CXCL13: variants seen among roughly 807,000 people sequenced by gnomAD.
CXCL13 encodes C-X-C motif chemokine 13.
CXCL13 carries 7 observed loss-of-function variants against 12.2 expected under a neutral mutation model. The ratio of observed to expected loss-of-function variants is 0.57; its 90% CI spans 0.33 to 1.07. CXCL13 has a LOEUF of 1.07. CXCL13 is among the 50% of genes least tolerant of loss of function. The pLI is 0.04. For synonymous variants in CXCL13, 47 were observed against 42.4 expected (o/e 1.11, Z -0.42); for missense variants, 113 against 127.4 (o/e 0.89, Z 0.55).
chr4:77,602,790 T>C (rs1726908328), upstream of CXCL13, among the ~76,000 whole-genome samples: 1 of 152,236 alleles, frequency 6.6e-6, no homozygotes, highest in African/African-American at 2.4e-5. Flanking sequence ...CATTTGAGTT[T>C]TAAATCTATT....
intron 1 of CXCL13, among the ~76,000 whole-genome samples, chr4:77,542,137 G>C (rs747327966): frequency 6.6e-6 from 1 of 152,054 alleles, no homozygotes; most frequent in African/African-American, 2.4e-5. Flanking sequence ...TCTAGGTATA[G>C]AATCATATCA....
At chr4:77,536,121 A>T (rs1725052380) in intron 1 of CXCL13, among the ~76,000 whole-genome samples, 1 of 152,136 alleles carries the variant, frequency 6.6e-6, no homozygotes, top group African/African-American at 2.4e-5. Context: ...AAGCCCAGTG[A>T]TGTAACCCAT....
intron 1 of CXCL13, among the ~76,000 whole-genome samples, chr4:77,595,271 A>T (rs1726721233): frequency 6.6e-6 from 1 of 152,106 alleles, no homozygotes; most frequent in South Asian, 2.1e-4. Context: ...GAAAATTTCC[A>T]CCACTCTGAG....
At chr4:77,564,091 G>A (rs867881632) in intron 1 of CXCL13, among the ~76,000 whole-genome samples, 1 of 152,142 alleles carries the variant, frequency 6.6e-6, no homozygotes, top group African/African-American at 2.4e-5. Flanking sequence ...CCAGATCCTG[G>A]AAATTATGAA....
At position 77,611,438 on chromosome 4, in the gene CXCL13, C is replaced by T. The variant is rs1420153665; in HGVS notation, c.*399C>T. 1 of 383,726 alleles carries T rather than the reference C, an allele frequency of 2.6e-6. No individual in the cohort carries two copies. The highest frequency in any genetic ancestry group is 4.5e-5 in the Admixed American group (1 of 22,422). The allele number at this position is 383,726 out of a possible 1,614,324, so 23.8% of individuals were successfully genotyped here. On this transcript the variant is annotated 3_prime_UTR_variant, in exon 4 of 4. Transcript: ENST00000682537. ...AATTATGGCATATATTAAAAGCAGG[C>T]TTCTATGAAAGACTCAAAAAGCTGC... is the stretch of plus-strand genomic sequence containing the variant.
At chr4:77,560,544 ACT>A (rs1725788391) in intron 1 of CXCL13, among the ~76,000 whole-genome samples, 1 of 152,070 alleles carries the variant, frequency 6.6e-6, no homozygotes, top group Non-Finnish European at 1.5e-5. Flanking sequence ...CAAACCTAAG[ACT>A]CAGCTGTCCT....
intron 1 of CXCL13, among the ~76,000 whole-genome samples, chr4:77,517,207 G>A (rs1195999712): frequency 2.0e-5 from 3 of 152,162 alleles, no homozygotes; most frequent in African/African-American, 7.2e-5. Flanking sequence ...TACATTTGCT[G>A]AGGAGAGCTT....
intron 1 of CXCL13, among the ~76,000 whole-genome samples, chr4:77,535,316 A>G (rs995333447): frequency 2.0e-5 from 3 of 152,134 alleles, no homozygotes; most frequent in African/African-American, 7.2e-5. Context: ...ACATTTTTAT[A>G]AATTCTTCAA....
At chr4:77,572,973 C>CT (rs1726123762) in intron 1 of CXCL13, among the ~76,000 whole-genome samples, 1 of 151,498 alleles carries the variant, frequency 6.6e-6, no homozygotes, top group Non-Finnish European at 1.5e-5. Context: ...CCTCAGCAAA[C>CT]TAACACAGGA....
chr4:77,589,824 C>T (rs113617654), intron 1 of CXCL13, among the ~76,000 whole-genome samples: 7 of 152,182 alleles, frequency 4.6e-5, no homozygotes, highest in African/African-American at 7.2e-5. Context: ...GTGCTTCTTT[C>T]GCATCAATTA....
chr4:77,611,795 C>T lies in CXCL13; in HGVS notation c.*756C>T. 5.0e-6 allele frequency: 2 copies of T among 397,568 alleles called. No homozygotes were observed. Among genetic ancestry groups the T allele is most frequent in the East Asian group, 7.1e-5 (2 of 28,036 alleles). The allele number at this position is 397,568 out of a possible 1,614,324, so 24.6% of individuals were successfully genotyped here. ...TAATTCTTTAATGATTCCTATAAAT[C>T]TAATGACATTCAATAAAGTTGAGCA... On this transcript the variant is annotated 3_prime_UTR_variant, in exon 4 of 4. Coordinates refer to ENST00000682537, the MANE Select transcript of CXCL13 (RefSeq NM_001371558.1).
chr4:77,607,587 C>A, intron 1 of CXCL13, 116 bp from the exon 2 acceptor site: 1 of 880,440 alleles, frequency 1.1e-6, no homozygotes, highest in Non-Finnish European at 1.8e-6. Flanking sequence ...TGGGTGGAAG[C>A]ACTGACTTGA....
chr4:77,578,482 G>A (rs1012117066), intron 1 of CXCL13, among the ~76,000 whole-genome samples: 2 of 152,172 alleles, frequency 1.3e-5, no homozygotes, highest in African/African-American at 2.4e-5. Context: ...GGCAGATAAG[G>A]GGAAGGGTCC....
At chr4:77,530,760 G>A (rs559581530) in intron 1 of CXCL13, among the ~76,000 whole-genome samples, 7 of 151,244 alleles carry the variant, frequency 4.6e-5, no homozygotes, top group Admixed American at 3.3e-4. Context: ...AGGGTTTTTT[G>A]TGTCTCTATT....
chr4:77,573,374 G>GTA (rs1332544928), intron 1 of CXCL13, among the ~76,000 whole-genome samples: 1 of 133,278 alleles, frequency 7.5e-6, no homozygotes, highest in African/African-American at 3.5e-5. Context: ...GTGTGTGTGT[G>GTA]TGTGTGTGTG....
At chr4:77,520,018 T>A (rs986357746) in intron 1 of CXCL13, among the ~76,000 whole-genome samples, 1 of 152,188 alleles carries the variant, frequency 6.6e-6, no homozygotes, top group Non-Finnish European at 1.5e-5. Context: ...AAAGATCAGA[T>A]GGTTGTAGAT....
chr4:77,514,566 G>A (rs1244382135), intron 1 of CXCL13, among the ~76,000 whole-genome samples: 7 of 147,086 alleles, frequency 4.8e-5, no homozygotes, highest in Non-Finnish European at 9.0e-5. Context: ...GTGATGGTGA[G>A]CATTTTTTCA....
chr4:77,530,151 C>G (rs1211475665), intron 1 of CXCL13, among the ~76,000 whole-genome samples: 1 of 152,092 alleles, frequency 6.6e-6, no homozygotes, highest in Non-Finnish European at 1.5e-5. Flanking sequence ...GGATAAGCTT[C>G]TTGATGTGCT....
intron 1 of CXCL13, among the ~76,000 whole-genome samples, chr4:77,547,631 G>A (rs1252106527): frequency 6.6e-6 from 1 of 151,980 alleles, no homozygotes; most frequent in Non-Finnish European, 1.5e-5. Context: ...GTGTGTCTGT[G>A]CACTTGAGAT....
Sources: allele counts gnomAD v4.1 joint callset (sites outside exome capture counted in the v4.1 genomes callset), GRCh38; gene constraint gnomAD v4.1.1; transcripts MANE v1.5; gene names NCBI Gene and HGNC (gene_info 2026-07-23, HGNC 2026-07-21).